SPTA1: variants seen among roughly 807,000 people sequenced by gnomAD.
SPTA1 encodes the protein spectrin alpha chain, erythrocytic 1.
Under a neutral mutation model 324.7 loss-of-function variants are expected in SPTA1, and 177 were observed. The ratio of observed to expected loss-of-function variants is 0.55; its 90% CI spans 0.48 to 0.62. The LOEUF is 0.62. Among genes scored for constraint, SPTA1 ranks in the 20% least tolerant of loss-of-function variants. The probability of loss-of-function intolerance (pLI) is 0.00; values close to 1 mark genes in which losing one functional copy is unlikely to be tolerated. For missense variants in SPTA1, 3,162 were observed against 2,883.6 expected, an observed-to-expected ratio of 1.10 and a Z score of -2.21; for synonymous variants, 1,195 against 1,041.3, an observed-to-expected ratio of 1.15 and a Z score of -2.84.
rs753347949 is a variant in SPTA1 at position 158,647,528 on chromosome 1, C to T, written c.3896+11G>A. 1 of 1,612,676 alleles carries T rather than the reference C, an allele frequency of 6.2e-7. No homozygotes were observed. The highest frequency in any genetic ancestry group is 1.1e-5 in the South Asian group (1 of 91,012). ...AGAGGCCAGACACGGAAGTTACCCA[C>T]CCCACTCTACCTGGCCTTGCTGAGG... On this transcript the variant is annotated intron_variant, in intron 27 of 51. Transcript: ENST00000643759.
At chr1:158,627,811 C>T (rs1468450364) in intron 39 of SPTA1, 88 bp from the exon 40 acceptor site, 2 of 1,307,862 alleles carry the variant, frequency 1.5e-6, no homozygotes, top group Non-Finnish European at 2.2e-6. Flanking sequence ...CTATTATTCC[C>T]TAGGGTTGAT....
rs1651218267 is a variant in SPTA1 at position 158,638,084 on chromosome 1, T to C, written c.5138A>G (p.Tyr1713Cys). Residue 1713 changes from tyrosine (Y) to cysteine (C), a missense_variant, in exon 36 of 52, where the codon TAT (tyrosine) becomes TGT (cysteine). By Grantham distance (194) the Tyr-to-Cys change is radical (BLOSUM62 -2). Transcript: ENST00000643759. ...AAHHEKLKEA[Y>C]ALFQFFQDLD... is the part of the protein sequence containing the mutation. ...ATCCTGGAAGAACTGGAACAAGGCA[T>C]AGGCCTCTTTCAATTTTTCGTGGTG... is the stretch of plus-strand genomic sequence containing the variant. The C allele has an allele frequency of 1.2e-6, 2 of 1,614,010 alleles. No individual in the cohort carries two copies. The highest frequency in any genetic ancestry group is 1.7e-6 in the Non-Finnish European group (2 of 1,179,926).
intron 45 of SPTA1, among the ~76,000 whole-genome samples, chr1:158,618,937 A>G (rs1297434818): frequency 6.6e-6 from 1 of 152,228 alleles, no homozygotes; most frequent in African/African-American, 2.4e-5. Flanking sequence ...AATTGTTATT[A>G]TTTTGGACTG....
intron 25 of SPTA1, 41 bp downstream of exon 25, chr1:158,649,815 G>C: frequency 1.3e-6 from 2 of 1,495,022 alleles, no homozygotes; most frequent in Non-Finnish European, 1.9e-6. Context: ...TTAGTGAGTG[G>C]GTTTTAAAGC....
intron 18 of SPTA1, among the ~76,000 whole-genome samples, chr1:158,658,151 A>G (rs1289838694): frequency 6.6e-6 from 1 of 152,204 alleles, no homozygotes; most frequent in Admixed American, 6.5e-5. Context: ...TCCTGAGAGA[A>G]GGGAAATAAA....
rs370505272 is a variant in SPTA1, at chr1:158,648,552, C to T, written c.3671G>A (p.Arg1224Gln). The change falls in exon 26 of 52, where the codon CGG becomes CAG. Residue 1224 changes from arginine (R) to glutamine (Q), a missense_variant. By Grantham distance (43) the Arg-to-Gln change is conservative. Coordinates refer to ENST00000643759, the MANE Select transcript of SPTA1 (RefSeq NM_003126.4). ...GAGGTCCCTTTCAAAGCCCTCATGC[C>T]GTCGCTGAAGAGCCTGAACACTGAA... ...DLFSVQALQR[R>Q]HEGFERDLVP... 22 of 1,613,912 alleles carry T rather than the reference C, an allele frequency of 1.4e-5. No individual in the cohort carries two copies. Among genetic ancestry groups the T allele is most frequent in the African/African-American group, 1.1e-4 (8 of 74,964 alleles).
Position 158,637,819 on chromosome 1 carries a change from T to C in SPTA1, c.5189+214A>G, listed in dbSNP as rs11799335. Among the ~76,000 whole-genome samples the C allele has an allele frequency of 0.28, 42,205 of 152,154 alleles. 5,998 individuals carry two copies. Among genetic ancestry groups the C allele is most frequent in the Middle Eastern group, 0.33 (96 of 294 alleles). ...TTCCTGTCATGTATGTTAACTGCTC[T>C]TCACTTCCTCCACACCTGTCTTTCT... On this transcript the variant is annotated intron_variant, in intron 36 of 51. Coordinates refer to ENST00000643759, the MANE Select transcript of SPTA1 (RefSeq NM_003126.4).
At chr1:158,681,425 G>C (rs752632597) in intron 4 of SPTA1, 102 bp downstream of exon 4, 7 of 1,574,174 alleles carry the variant, frequency 4.4e-6, no homozygotes, top group Non-Finnish European at 6.1e-6. Context: ...GCCAGGAACA[G>C]ACATCCTGAC....
chr1:158,660,483 A>G (rs1326410335), intron 18 of SPTA1, among the ~76,000 whole-genome samples: 1 of 152,254 alleles, frequency 6.6e-6, no homozygotes, highest in African/African-American at 2.4e-5. Flanking sequence ...ACAATACTAA[A>G]TGTATATGCA....
At position 158,674,332 on chromosome 1, in the gene SPTA1, T is replaced by C; in HGVS notation, c.1347A>G (p.Glu449=). 6.2e-7 allele frequency: 1 copy of C among 1,614,010 alleles called. No homozygotes were observed. Among genetic ancestry groups the C allele is most frequent in the Middle Eastern group, 1.7e-4 (1 of 6,058 alleles). Residue 449 remains glutamate, a synonymous_variant, in exon 10 of 52, where the codon GAA becomes GAG. Coordinates refer to ENST00000643759, the MANE Select transcript of SPTA1 (RefSeq NM_003126.4). ...AAACTCTGTTAAACTAGATTACCTT[T>C]TCCCGAACTTCATCAGAGGCTTCAT... is the stretch of plus-strand genomic sequence containing the variant. ...ANHEASDEVR[E]KMEILDNNWT...
At chr1:158,615,040 C>T (rs907001571) in intron 48 of SPTA1, 176 bp downstream of exon 48, 3 of 705,294 alleles carry the variant, frequency 4.3e-6, no homozygotes, top group Non-Finnish European at 7.2e-6. Flanking sequence ...TCTTTTATTT[C>T]ATGATGGATT....
Position 158,683,436 on chromosome 1 carries a change from A to C in SPTA1, c.325T>G (p.Ser109Ala), listed in dbSNP as rs756110543. Residue 109 changes from serine to alanine, a missense_variant, in exon 3 of 52, where the codon TCT (serine) becomes GCT (alanine). Physicochemically the swap from Ser to Ala is moderately conservative, Grantham distance 99. Coordinates refer to ENST00000643759, the MANE Select transcript of SPTA1 (RefSeq NM_003126.4). ...AEVQTKSRLM[S>A]ELEKTREERF... The stretch of plus-strand genomic sequence containing the variant: ...TCTTCCCTTGTTTTTTCCAGTTCAG[A>C]CATGAGTCTTGATTTTGTTTGCACC... 3 of 1,613,428 alleles carry C rather than the reference A, an allele frequency of 1.9e-6. No homozygotes were observed. Among genetic ancestry groups the C allele is most frequent in the Non-Finnish European group, 2.5e-6 (3 of 1,179,556 alleles).
chr1:158,637,433 G>C (rs1184456000), intron 36 of SPTA1, among the ~76,000 whole-genome samples: 4 of 152,202 alleles, frequency 2.6e-5, no homozygotes, highest in Non-Finnish European at 5.9e-5. Flanking sequence ...AGGCAAAATA[G>C]TGTAATGTGC....
At chr1:158,648,758 AC>A in intron 25 of SPTA1, 105 bp from the exon 26 acceptor site, 1 of 1,099,978 alleles carries the variant, frequency 9.1e-7, no homozygotes, top group Non-Finnish European at 1.2e-6. Flanking sequence ...CCATCCTCCC[AC>A]CCACCCCCCC....
intron 3 of SPTA1, among the ~76,000 whole-genome samples, chr1:158,682,868 A>G (rs568213539): frequency 6.6e-6 from 1 of 152,180 alleles, no homozygotes; most frequent in African/African-American, 2.4e-5. Flanking sequence ...GACATTTGGG[A>G]GTTTTTAGAA....
chr1:158,662,593 A>G (rs1316796837), intron 17 of SPTA1, 109 bp downstream of exon 17: 8 of 1,477,758 alleles, frequency 5.4e-6, no homozygotes, highest in Non-Finnish European at 7.4e-6. Flanking sequence ...TGTGAGAAGA[A>G]ACAGCTAAGA....
At chr1:158,665,686 T>A (rs958632244) in intron 16 of SPTA1, among the ~76,000 whole-genome samples, 1 of 152,232 alleles carries the variant, frequency 6.6e-6, no homozygotes, top group African/African-American at 2.4e-5. Flanking sequence ...GCTCTGTTGT[T>A]AATTTTCGCT....
chr1:158,642,157 TG>T (rs1212665389), intron 33 of SPTA1, among the ~76,000 whole-genome samples: 9 of 151,406 alleles, frequency 5.9e-5, no homozygotes, highest in Admixed American at 2.6e-4. Flanking sequence ...CAGGGACTGT[TG>T]TGGGGTGGGG....
intron 5 of SPTA1, among the ~76,000 whole-genome samples, chr1:158,679,139 C>G (rs537331995): frequency 3.9e-5 from 6 of 152,082 alleles, no homozygotes; most frequent in Non-Finnish European, 7.4e-5. Context: ...TTCCCATATG[C>G]CTAAGTCTCC....
Sources: allele counts gnomAD v4.1 joint callset (sites outside exome capture counted in the v4.1 genomes callset), GRCh38; gene constraint gnomAD v4.1.1; transcripts MANE v1.5; gene names NCBI Gene and HGNC (gene_info 2026-07-23, HGNC 2026-07-21).